FTSJ1: variants seen among roughly 807,000 people sequenced by gnomAD.
FTSJ1 encodes FtsJ RNA 2'-O-methyltransferase 1.
Under a neutral mutation model 28.5 loss-of-function variants are expected in FTSJ1, and 3 were observed. The ratio of observed to expected loss-of-function variants is 0.11; its 90% confidence interval spans 0.05 to 0.27. The LOEUF (loss-of-function observed/expected upper bound fraction) is 0.27, where lower values mean the gene tolerates loss of function less well. Ranked by LOEUF, FTSJ1 falls within the 10% of genes least tolerant of loss-of-function variation. FTSJ1 has a pLI of 1.00. For missense variants in FTSJ1, 162 were observed against 279.0 expected (o/e 0.58, Z 2.99); for synonymous variants, 104 against 113.9 (o/e 0.91, Z 0.55).
chrX:48,480,363 G>A (rs1223993910), intron 5 of FTSJ1, among the ~76,000 whole-genome samples: 1 of 110,832 alleles, frequency 9.0e-6, no homozygotes, highest in African/African-American at 3.3e-5. Context: ...GAGGCAGGAG[G>A]GTGCTTGCTA....
At position 48,481,705 on chromosome X, in the gene FTSJ1, C is replaced by G. The variant is rs1556968686; in HGVS notation, c.645C>G (p.Asp215Glu). The stretch of plus-strand genomic sequence containing the variant: ...CGGACCTGAGCAAACCCCTGCTGGA[C>G]CATTCTTACGGTGAGAGCTGGAGCA... ...FIPDLSKPLL[D>E]HSYDPDFNQL... Residue 215 changes from aspartate (D) to glutamate (E), a missense_variant, in exon 9 of 13, where the codon GAC (aspartate) becomes GAG (glutamate). Transcript: ENST00000348411. 8.6e-7 allele frequency: 1 copy of G among 1,165,353 alleles called. No homozygotes were observed. Among genetic ancestry groups the G allele is most frequent in the South Asian group, 1.8e-5 (1 of 55,846 alleles).
At chrX:48,480,724 T>C (rs1556968254) in intron 5 of FTSJ1, among the ~76,000 whole-genome samples, 3 of 110,894 alleles carry the variant, frequency 2.7e-5, no homozygotes, top group Admixed American at 9.6e-5. Flanking sequence ...ATGGCTTCGA[T>C]GTGGGTGTGA....
Position 48,482,704 on chromosome X carries a change from G to T in FTSJ1, c.867G>T (p.Glu289Asp). ...AGAGGAAGGGGCAGCTGGCCAAGGA[G>T]ATCCGCCCCCAGGACTGCCCCATCA... ...TLKRKGQLAK[E>D]IRPQDCPISR... The change falls in exon 11 of 13, where the codon GAG becomes GAT. Residue 289 changes from glutamate to aspartate, a missense_variant. By Grantham distance (45) the Glu-to-Asp change is conservative. Coordinates refer to ENST00000348411, the MANE Select transcript of FTSJ1 (RefSeq NM_012280.4). 8.3e-7 allele frequency: 1 copy of T among 1,208,557 alleles called. No homozygotes were observed. Among genetic ancestry groups the T allele is most frequent in the Non-Finnish European group, 1.1e-6 (1 of 893,855 alleles).
At chrX:48,483,438 G>T (rs1172862015) in intron 12 of FTSJ1, 1 of 118,068 alleles carries the variant, frequency 8.5e-6, no homozygotes, top group Non-Finnish European at 1.7e-5. Context: ...AGTAATATGG[G>T]ATATAAAAAA....
chrX:48,478,256 G>C, intron 2 of FTSJ1, 88 bp downstream of exon 2: 1 of 979,618 alleles, frequency 1.0e-6, no homozygotes, highest in South Asian at 2.0e-5. Flanking sequence ...CCCTGTGGTA[G>C]GTGGGCTGAC....
In FTSJ1 at chrX:48,482,798, T is replaced by C. The variant is rs782012044; in HGVS notation, c.957+4T>C. 5 of 1,205,600 alleles carry C rather than the reference T, an allele frequency of 4.1e-6. No homozygotes were observed. Among genetic ancestry groups the C allele is most frequent in the Non-Finnish European group, 4.5e-6 (4 of 892,891 alleles). ...CCACACCCTGCTGGCCCCTGAGGTC[T>C]GGAAATGTGACTCTCAGCCTGCCTT... On this transcript the variant is annotated splice_donor_region_variant and intron_variant, in intron 11 of 12. Transcript: ENST00000348411.
chrX:48,478,392 C>T, intron 2 of FTSJ1, 57 bp from the exon 3 acceptor site: 1 of 1,133,041 alleles, frequency 8.8e-7, no homozygotes, highest in South Asian at 1.8e-5. Context: ...TTGCAAGGGT[C>T]TCCAGGTTGG....
At position 48,476,336 on chromosome X, in the gene FTSJ1, C is replaced by T; in HGVS notation, c.-148C>T. 1 of 298,080 alleles carries T rather than the reference C, an allele frequency of 3.4e-6. No homozygotes were observed. Among genetic ancestry groups the T allele is most frequent in the Non-Finnish European group, 5.9e-6 (1 of 170,265 alleles). The allele number at this position is 298,080 out of a possible 1,213,427, so 24.6% of individuals were successfully genotyped here. ...CAAACTGAAGCCCTAGGACTTGTCG[C>T]CCGTTTGCGCTCTCGCCGAGGCACA... On this transcript the variant is annotated 5_prime_UTR_variant, in exon 1 of 13. Transcript: ENST00000348411.
At chrX:48,480,812 A>G (rs1186099835) in intron 5 of FTSJ1, among the ~76,000 whole-genome samples, 1 of 110,824 alleles carries the variant, frequency 9.0e-6, no homozygotes, top group East Asian at 2.8e-4. Context: ...TGAGATGGGG[A>G]GGATGGTGGG....
intron 5 of FTSJ1, among the ~76,000 whole-genome samples, chrX:48,480,617 G>C (rs2061562566): frequency 9.0e-6 from 1 of 110,898 alleles, no homozygotes; most frequent in African/African-American, 3.3e-5. Context: ...GCAGAAGCAG[G>C]GGCTCCGGGG....
chrX:48,477,408 A>T (rs189605518), intron 1 of FTSJ1, among the ~76,000 whole-genome samples: 1 of 111,568 alleles, frequency 9.0e-6, no homozygotes, highest in Admixed American at 9.5e-5. Flanking sequence ...AGGCATTGTT[A>T]GAGGTTCATA....
chrX:48,482,531 G>C (rs1556968955), intron 10 of FTSJ1, 25 bp downstream of exon 10: 1 of 1,180,795 alleles, frequency 8.5e-7, no homozygotes, highest in South Asian at 1.8e-5. Flanking sequence ...AACAGTAGGT[G>C]GGTGGGAGGG....
rs1342661774 is a variant in FTSJ1 at position 48,476,284 on chromosome X, C to T, written c.-200C>T. On this transcript the variant is annotated 5_prime_UTR_variant, in exon 1 of 13. Coordinates refer to ENST00000348411, the MANE Select transcript of FTSJ1 (RefSeq NM_012280.4). Reference sequence around the variant, plus strand: ...CTGCGACAGCCCATAGGCTTGCCCCCCCGGGCATTCGGGTGGACTACGAAC... The same window carrying T: ...CTGCGACAGCCCATAGGCTTGCCCCTCCGGGCATTCGGGTGGACTACGAAC... 7 of 297,706 alleles carry T rather than the reference C, an allele frequency of 2.4e-5. No homozygotes were observed. Among genetic ancestry groups the T allele is most frequent in the Middle Eastern group, 8.6e-4 (1 of 1,158 alleles). The allele number at this position is 297,706 out of a possible 1,213,427, so 24.5% of individuals were successfully genotyped here.
In FTSJ1 at chrX:48,478,713, A is replaced by G. The variant is rs1556967455; in HGVS notation, c.282+6A>G. The stretch of plus-strand genomic sequence containing the variant: ...TCCAGGGGGACATCACCCAGGTAAG[A>G]GCATGGCTGAGGGTGTTGGGGTATA... On this transcript the variant is annotated splice_donor_region_variant and intron_variant, in intron 4 of 12. Coordinates refer to ENST00000348411, the MANE Select transcript of FTSJ1 (RefSeq NM_012280.4). 8.6e-7 allele frequency: 1 copy of G among 1,157,134 alleles called. No individual in the cohort carries two copies. Among genetic ancestry groups the G allele is most frequent in the Non-Finnish European group, 1.2e-6 (1 of 849,541 alleles).
chrX:48,486,018 A>G lies in FTSJ1; in HGVS notation c.*292A>G, dbSNP rs1230365041. ...AAAGGCAGGGATTCTTAACCTGGAT[A>G]GAAGCCAGGGGTAACCATGAACTTG... On this transcript the variant is annotated 3_prime_UTR_variant, in exon 13 of 13. Transcript: ENST00000348411. 1 of 112,583 alleles carries G rather than the reference A, an allele frequency of 8.9e-6. No homozygotes were observed. Among genetic ancestry groups the G allele is most frequent in the African/African-American group, 3.2e-5 (1 of 30,979 alleles). 9.3% of individuals were successfully genotyped at this position (112,583 alleles called of 1,213,427 possible). A position where few individuals can be genotyped will look rare whatever the true frequency, so the allele number is the denominator to read the frequency against.
At chrX:48,481,812 T>C (rs2061571633) in intron 9 of FTSJ1, 97 bp downstream of exon 9, 7 of 587,469 alleles carry the variant, frequency 1.2e-5, no homozygotes, top group Non-Finnish European at 1.8e-5. Flanking sequence ...TGGGGGAGGC[T>C]CTGTCCCCTC....
intron 5 of FTSJ1, among the ~76,000 whole-genome samples, chrX:48,480,441 A>G (rs956485025): frequency 2.7e-5 from 3 of 109,961 alleles, no homozygotes; most frequent in African/African-American, 1.0e-4. Flanking sequence ...GGTAAAAGGT[A>G]ACATCAGAGA....
At chrX:48,477,591 CTG>C (rs1430841585) in intron 1 of FTSJ1, among the ~76,000 whole-genome samples, 7 of 110,963 alleles carry the variant, frequency 6.3e-5, no homozygotes, top group African/African-American at 1.6e-4. Flanking sequence ...ATGGGGACAA[CTG>C]GGGATACAGT....
intron 9 of FTSJ1, 142 bp downstream of exon 9, chrX:48,481,857 C>T: frequency 1.9e-6 from 1 of 514,580 alleles, no homozygotes; most frequent in Non-Finnish European, 3.5e-6. Context: ...TCCTTAGCCC[C>T]ATTCTCTGAT....
Sources: allele counts gnomAD v4.1 joint callset (sites outside exome capture counted in the v4.1 genomes callset), GRCh38; gene constraint gnomAD v4.1.1; transcripts MANE v1.5; gene names NCBI Gene and HGNC (gene_info 2026-07-23, HGNC 2026-07-21).